Variants in RNGTT observed in about 807,000 individuals in gnomAD.
RNGTT encodes mRNA-capping enzyme.
In RNGTT, 33 loss-of-function variants were observed where a neutral mutation model predicts 79.3. The observed-to-expected ratio is 0.42, with a 90% confidence interval of 0.32 to 0.56. The LOEUF (loss-of-function observed/expected upper bound fraction) is 0.56, where lower values mean the gene tolerates loss of function less well. Ranked by LOEUF, RNGTT falls within the 20% of genes least tolerant of loss-of-function variation. RNGTT has a pLI of 0.17. For synonymous variants in RNGTT, 222 were observed against 235.9 expected, an observed-to-expected ratio of 0.94 and a Z score of 0.54; for missense variants, 497 against 739.1, an observed-to-expected ratio of 0.67 and a Z score of 3.80.
rs575223775 is a variant in RNGTT, at chr6:88,612,591, T to A, written c.*128A>T. Reference sequence around the variant, plus strand: ...GCTGGCTACGATAACTTTCTTTTTTTAAAAAAAATTCAAATGTGTATCAAC... The same window carrying A: ...GCTGGCTACGATAACTTTCTTTTTTAAAAAAAAATTCAAATGTGTATCAAC... On this transcript the variant is annotated 3_prime_UTR_variant, in exon 16 of 16. Transcript: ENST00000369485. 2,364 of 1,059,624 alleles carry A rather than the reference T, an allele frequency of 2.2e-3. 2 individuals carry two copies. The highest frequency in any genetic ancestry group is 2.8e-3 in the Non-Finnish European group (2,015 of 721,704). 65.6% of individuals were successfully genotyped at this position (1,059,624 alleles called of 1,614,324 possible).
At chr6:88,677,263 T>C (rs900620705) in intron 14 of RNGTT, among the ~76,000 whole-genome samples, 32 of 145,940 alleles carry the variant, frequency 2.2e-4, no homozygotes, top group African/African-American at 7.7e-4. Flanking sequence ...AAAAATCAGA[T>C]TACTGGTTGC....
At chr6:88,682,409 TAG>T (rs541474673) in intron 13 of RNGTT, among the ~76,000 whole-genome samples, 2 of 152,270 alleles carry the variant, frequency 1.3e-5, no homozygotes, top group South Asian at 4.1e-4. Flanking sequence ...CATCTACTAT[TAG>T]AAAACAAACA....
At chr6:88,940,641 G>A (rs1447197847) in intron 2 of RNGTT, among the ~76,000 whole-genome samples, 1 of 152,084 alleles carries the variant, frequency 6.6e-6, no homozygotes. Flanking sequence ...ACACATTTTT[G>A]TTTTTCTACT....
chr6:88,746,583 G>C (rs10944405), intron 13 of RNGTT, among the ~76,000 whole-genome samples: 2 of 152,044 alleles, frequency 1.3e-5, no homozygotes, highest in African/African-American at 4.8e-5. Context: ...TAAGGAGCAC[G>C]CAACTTAGAT....
At chr6:88,920,272 A>G (rs1369485645) in intron 4 of RNGTT, among the ~76,000 whole-genome samples, 2 of 152,148 alleles carry the variant, frequency 1.3e-5, no homozygotes, top group Admixed American at 6.5e-5. Flanking sequence ...ATGGCATAGT[A>G]TTTGCATATG....
chr6:88,817,352 A>C (rs965066530), intron 11 of RNGTT, among the ~76,000 whole-genome samples: 17 of 151,968 alleles, frequency 1.1e-4, no homozygotes, highest in African/African-American at 4.1e-4. Flanking sequence ...CATCCTACCC[A>C]AAATGTGGCC....
intron 13 of RNGTT, among the ~76,000 whole-genome samples, chr6:88,689,691 T>G (rs1321384601): frequency 6.6e-6 from 1 of 150,998 alleles, no homozygotes; most frequent in Non-Finnish European, 1.5e-5. Context: ...GAAAAAATAA[T>G]GAGAAAAATT....
chr6:88,844,737 C>T (rs1382400871), intron 10 of RNGTT, among the ~76,000 whole-genome samples: 2 of 151,472 alleles, frequency 1.3e-5, no homozygotes, highest in East Asian at 1.9e-4. Context: ...TTTTAAAATA[C>T]AACTGTATAA....
chr6:88,958,827 A>G (rs1020295135), intron 1 of RNGTT, among the ~76,000 whole-genome samples: 2 of 152,220 alleles, frequency 1.3e-5, no homozygotes, highest in African/African-American at 4.8e-5. Context: ...TAGAAGAACT[A>G]CCATTTGATC....
At chr6:88,890,821 T>C (rs968924619) in intron 7 of RNGTT, among the ~76,000 whole-genome samples, 6 of 152,214 alleles carry the variant, frequency 3.9e-5, no homozygotes, top group African/African-American at 1.4e-4. Flanking sequence ...ACCACTGCTA[T>C]GGTATAATCA....
chr6:88,760,183 G>A (rs1264281289), intron 13 of RNGTT, among the ~76,000 whole-genome samples: 1 of 152,154 alleles, frequency 6.6e-6, no homozygotes, highest in Non-Finnish European at 1.5e-5. Context: ...AAAGCCACAT[G>A]CTCCTTTTCT....
At chr6:88,748,666 T>C (rs1777744683) in intron 13 of RNGTT, among the ~76,000 whole-genome samples, 1 of 152,150 alleles carries the variant, frequency 6.6e-6, no homozygotes. Context: ...GATCTGATTT[T>C]GCATGAATAT....
At chr6:88,895,480 A>G (rs76177696) in intron 6 of RNGTT, among the ~76,000 whole-genome samples, 464 of 152,336 alleles carry the variant, frequency 3.0e-3, no homozygotes, top group Middle Eastern at 0.014. Context: ...GGCCAAGCAC[A>G]GCATCGGACA....
chr6:88,719,086 G>T (rs1776620102), intron 13 of RNGTT, among the ~76,000 whole-genome samples: 1 of 152,178 alleles, frequency 6.6e-6, no homozygotes, highest in Non-Finnish European at 1.5e-5. Flanking sequence ...GCAGACTTGA[G>T]ATTTAGGTTC....
chr6:88,694,466 G>C (rs1346868535), intron 13 of RNGTT, among the ~76,000 whole-genome samples: 1 of 151,954 alleles, frequency 6.6e-6, no homozygotes, highest in African/African-American at 2.4e-5. Context: ...TAAATGGAAA[G>C]ATACTCCTTG....
intron 12 of RNGTT, among the ~76,000 whole-genome samples, chr6:88,774,373 G>GAA (rs1431494957): frequency 6.6e-6 from 1 of 152,028 alleles, no homozygotes; most frequent in Non-Finnish European, 1.5e-5. Flanking sequence ...ATTGCTGATA[G>GAA]AAATGTGAAA....
chr6:88,791,075 C>A (rs747601429), intron 12 of RNGTT, among the ~76,000 whole-genome samples: 1 of 150,854 alleles, frequency 6.6e-6, no homozygotes, highest in African/African-American at 2.4e-5. Context: ...TAAATTAAGG[C>A]CATTCAAGGG....
rs949416439 is a variant in RNGTT, at chr6:88,901,313, C to G, written c.684+3402G>C. 2.6e-5 allele frequency among the ~76,000 whole-genome samples: 4 copies of G among 151,764 alleles called. No homozygotes were observed. The East Asian group carries it at 5.8e-4, about 22-fold the overall frequency. ...ATATATTTAAGAATTCCTACATACA[C>G]CACGCAGGATAAATACAAAGAAAAC... On this transcript the variant is annotated intron_variant, in intron 6 of 15. Coordinates refer to ENST00000369485, the MANE Select transcript of RNGTT (RefSeq NM_003800.5).
intron 14 of RNGTT, among the ~76,000 whole-genome samples, chr6:88,614,711 T>C (rs1772156238): frequency 6.6e-6 from 1 of 152,212 alleles, no homozygotes; most frequent in South Asian, 2.1e-4. Flanking sequence ...ACCTTCAATA[T>C]TGTCTGTGTC....
Sources: allele counts gnomAD v4.1 joint callset (sites outside exome capture counted in the v4.1 genomes callset), GRCh38; gene constraint gnomAD v4.1.1; transcripts MANE v1.5; gene names NCBI Gene and HGNC (gene_info 2026-07-23, HGNC 2026-07-21).